The following MCF2L2 variants were observed in gnomAD, a reference collection of about 807,000 sequenced individuals.
MCF2L2 encodes the protein MCF.2 cell line derived transforming sequence-like 2, also known as probable guanine nucleotide exchange factor MCF2L2.
Under a neutral mutation model 150.2 loss-of-function variants are expected in MCF2L2, and 102 were observed. The observed-to-expected ratio is 0.68, with a 90% CI of 0.58 to 0.80. MCF2L2 has a LOEUF of 0.80. Ranked by LOEUF, MCF2L2 falls within the 30% of genes least tolerant of loss-of-function variation. MCF2L2 has a pLI of 0.00. For synonymous variants in MCF2L2, 465 were observed against 491.3 expected (o/e 0.95, Z 0.71); for missense variants, 1,256 against 1,372.8 (o/e 0.91, Z 1.34).
chr3:183,325,800 C>CTTAA (rs1730000496), intron 5 of MCF2L2, among the ~76,000 whole-genome samples: 1 of 152,134 alleles, frequency 6.6e-6, no homozygotes, highest in Non-Finnish European at 1.5e-5. Flanking sequence ...GCTTTCTCAT[C>CTTAA]TTAAGCTTTA....
chr3:183,355,037 G>A (rs972253599), intron 3 of MCF2L2, among the ~76,000 whole-genome samples: 5 of 150,722 alleles, frequency 3.3e-5, no homozygotes, highest in Admixed American at 1.3e-4. Flanking sequence ...GGCATAAAAT[G>A]CTTCTATTTA....
intron 1 of MCF2L2, among the ~76,000 whole-genome samples, chr3:183,398,450 A>C (rs1018994024): frequency 6.6e-6 from 1 of 151,922 alleles, no homozygotes; most frequent in African/African-American, 2.4e-5. Context: ...AATCCATTGA[A>C]ATTTGGGTGT....
intron 3 of MCF2L2, chr3:183,374,851 AC>A (rs1364329985): frequency 2.6e-5 from 4 of 152,264 alleles, no homozygotes; most frequent in African/African-American, 9.6e-5. Flanking sequence ...ATCTGTAGCA[AC>A]TGTACCATCC....
intron 27 of MCF2L2, among the ~76,000 whole-genome samples, chr3:183,186,247 T>TA (rs1224015206): frequency 2.6e-5 from 4 of 152,156 alleles, no homozygotes; most frequent in Middle Eastern, 3.4e-3. Flanking sequence ...TGGCTCCATT[T>TA]AAAAAAAATC....
chr3:183,224,331 T>C (rs1298121805), intron 18 of MCF2L2, 141 bp from the exon 19 acceptor site: 1 of 606,552 alleles, frequency 1.6e-6, no homozygotes, highest in African/African-American at 1.8e-5. Context: ...AGTAATCTTA[T>C]GTTGGGATGT....
At chr3:183,274,896 A>G (rs1315724233) in intron 15 of MCF2L2, among the ~76,000 whole-genome samples, 1 of 152,044 alleles carries the variant, frequency 6.6e-6, no homozygotes, top group African/African-American at 2.4e-5. Flanking sequence ...TCCAGCATCA[A>G]ATCTAAACTC....
At chr3:183,365,845 A>G (rs936081674) in intron 3 of MCF2L2, among the ~76,000 whole-genome samples, 1 of 152,204 alleles carries the variant, frequency 6.6e-6, no homozygotes, top group Non-Finnish European at 1.5e-5. Context: ...TTTGCAATAT[A>G]CCTCACAGAT....
intron 5 of MCF2L2, among the ~76,000 whole-genome samples, chr3:183,335,484 C>T (rs1302351149): frequency 6.6e-6 from 1 of 152,108 alleles, no homozygotes; most frequent in African/African-American, 2.4e-5. Context: ...GAAACCTAGT[C>T]ACCAAGGTAA....
intron 6 of MCF2L2, among the ~76,000 whole-genome samples, chr3:183,321,477 T>C (rs1029258728): frequency 6.8e-6 from 1 of 146,726 alleles, no homozygotes; most frequent in African/African-American, 2.5e-5. Flanking sequence ...AGAAACCAAA[T>C]ATAATAGTAA....
At chr3:183,214,841 A>AG (rs910594941) in intron 22 of MCF2L2, among the ~76,000 whole-genome samples, 3 of 151,590 alleles carry the variant, frequency 2.0e-5, no homozygotes, top group African/African-American at 7.3e-5. Context: ...AAAAAAAAAA[A>AG]AAAATTAGCA....
intron 1 of MCF2L2, among the ~76,000 whole-genome samples, chr3:183,391,327 C>G (rs575970619): frequency 6.6e-6 from 1 of 151,666 alleles, no homozygotes; most frequent in African/African-American, 2.4e-5. Flanking sequence ...CCCCAAGATC[C>G]CCTTCAATGA....
chr3:183,413,949 A>C (rs1715451472), intron 1 of MCF2L2, among the ~76,000 whole-genome samples: 1 of 152,182 alleles, frequency 6.6e-6, no homozygotes, highest in Admixed American at 6.5e-5. Flanking sequence ...GGAGGAAGAA[A>C]ATCCACGTAT....
At chr3:183,402,411 G>A (rs945283731) in intron 1 of MCF2L2, among the ~76,000 whole-genome samples, 9 of 135,798 alleles carry the variant, frequency 6.6e-5, no homozygotes, top group East Asian at 6.6e-4. Flanking sequence ...CCGAGATCAC[G>A]CCACTGCATT....
At chr3:183,388,253 C>CTT (rs1713944952) in intron 2 of MCF2L2, among the ~76,000 whole-genome samples, 1 of 152,164 alleles carries the variant, frequency 6.6e-6, no homozygotes, top group Non-Finnish European at 1.5e-5. Flanking sequence ...GGCCTCAGAG[C>CTT]TTTAGTCTAA....
chr3:183,191,608 A>G (rs1021906040), intron 27 of MCF2L2, among the ~76,000 whole-genome samples: 34 of 152,150 alleles, frequency 2.2e-4, no homozygotes, highest in African/African-American at 8.0e-4. Context: ...GCAGTTTGAG[A>G]TGCGACAGCA....
chr3:183,339,754 C>T (rs1466629500), intron 4 of MCF2L2, among the ~76,000 whole-genome samples: 1 of 152,026 alleles, frequency 6.6e-6, no homozygotes, highest in Non-Finnish European at 1.5e-5. Context: ...AAGCAACCTC[C>T]TATGGGGATT....
At chr3:183,406,616 G>A (rs772721567) in intron 1 of MCF2L2, among the ~76,000 whole-genome samples, 5 of 152,096 alleles carry the variant, frequency 3.3e-5, no homozygotes, top group Admixed American at 6.5e-5. Flanking sequence ...AGCCTCCCGA[G>A]TAGCTGAGAT....
rs574450101 is a variant in MCF2L2 at position 183,288,151 on chromosome 3, C to CA, written c.1776+968dup. On this transcript the variant is annotated intron_variant, in intron 14 of 29. Transcript: ENST00000328913. ...AATTTTCAAATTTTCATTTTGTGCT[C>CA]AAAATATTTTCAGGAGGTAGCTGTT... Among the ~76,000 whole-genome samples the CA allele has an allele frequency of 2.6e-5, 4 of 152,234 alleles. No homozygotes were observed. The East Asian group carries it at 7.7e-4, about 29-fold the overall frequency.
intron 15 of MCF2L2, among the ~76,000 whole-genome samples, chr3:183,243,668 G>A (rs1724128952): frequency 6.6e-6 from 1 of 152,180 alleles, no homozygotes; most frequent in Non-Finnish European, 1.5e-5. Flanking sequence ...AAGGTATTAT[G>A]TATAGAGTCA....
Sources: gnomAD v4.1 joint callset for allele counts (sites outside exome capture counted in the v4.1 genomes callset) on GRCh38, gnomAD v4.1.1 for gene constraint, MANE v1.5 for transcripts, NCBI Gene and HGNC (gene_info 2026-07-23, HGNC 2026-07-21) for gene names.